The following NALCN variants were observed in gnomAD, a reference collection of about 807,000 sequenced individuals.
NALCN encodes the protein sodium leak channel NALCN.
In NALCN, 111 loss-of-function variants were observed where a neutral mutation model predicts 225.3. That is an observed-to-expected ratio of 0.49 (90% CI 0.42 to 0.58). The LOEUF (loss-of-function observed/expected upper bound fraction) is 0.58, where lower values mean the gene tolerates loss of function less well. NALCN is among the 20% of genes least tolerant of loss of function. The probability of loss-of-function intolerance (pLI) is 0.00; values close to 1 mark genes in which losing one functional copy is unlikely to be tolerated. For synonymous variants in NALCN, 764 were observed against 769.0 expected, an observed-to-expected ratio of 0.99 and a Z score of 0.11; for missense variants, 1,378 against 2,202.4, an observed-to-expected ratio of 0.63 and a Z score of 7.49.
At chr13:101,226,023 G>T (rs1019976799) in intron 13 of NALCN, among the ~76,000 whole-genome samples, 3 of 152,018 alleles carry the variant, frequency 2.0e-5, no homozygotes, top group Non-Finnish European at 4.4e-5. Flanking sequence ...TAGCCAGAAA[G>T]AATATACCAC....
chr13:101,210,120 T>C (rs1280401761), intron 13 of NALCN, among the ~76,000 whole-genome samples: 1 of 152,176 alleles, frequency 6.6e-6, no homozygotes, highest in African/African-American at 2.4e-5. Flanking sequence ...TTGCACAATT[T>C]AAGATTATAG....
chr13:101,062,173 C>T lies in NALCN; in HGVS notation c.4605-55G>A. 3 of 1,585,282 alleles carry T rather than the reference C, an allele frequency of 1.9e-6. No individual in the cohort carries two copies. The South Asian group carries it at 3.4e-5, about 18-fold the overall frequency. ...GCTCTGATTCACCTGAGATTTACAC[C>T]CTTAGATACGTCAAAATCCAGAGAG... On this transcript the variant is annotated intron_variant, in intron 40 of 43. Coordinates refer to ENST00000251127, the MANE Select transcript of NALCN (RefSeq NM_052867.4).
At chr13:101,340,551 C>A (rs529907107) in intron 7 of NALCN, among the ~76,000 whole-genome samples, 1 of 152,258 alleles carries the variant, frequency 6.6e-6, no homozygotes, top group Non-Finnish European at 1.5e-5. Context: ...CTCAGTTGCT[C>A]TTTACATTAA....
intron 3 of NALCN, among the ~76,000 whole-genome samples, chr13:101,394,793 A>C (rs895956862): frequency 1.3e-5 from 2 of 152,058 alleles, no homozygotes; most frequent in African/African-American, 2.4e-5. Flanking sequence ...ATCATGCTCT[A>C]ACTCTATCAT....
intron 39 of NALCN, among the ~76,000 whole-genome samples, chr13:101,067,322 A>C (rs1594131226): frequency 2.8e-5 from 1 of 36,026 alleles, no homozygotes; most frequent in Non-Finnish European, 4.7e-5. Flanking sequence ...AGGAGGGGGA[A>C]GAGGAGGGGG....
In NALCN at chr13:101,360,064, TC is replaced by T. The variant is rs1242321265; in HGVS notation, c.645-14645del. On this transcript the variant is annotated intron_variant, in intron 6 of 43. Transcript: ENST00000251127. Reference sequence around the variant, plus strand: ...CTCAGTTTTTCTTTTTCTCTTTCTTTCTTTTTCTTTCTTTCTTTCTCTTTCT... The same window carrying T: ...CTCAGTTTTTCTTTTTCTCTTTCTTTTTTTTCTTTCTTTCTTTCTCTTTCT... Among the ~76,000 whole-genome samples the T allele has an allele frequency of 7.6e-4, 109 of 142,642 alleles. No individual in the cohort carries two copies. The East Asian group carries it at 0.018, about 23-fold the overall frequency. 93.6% of individuals were successfully genotyped at this position (142,642 alleles called of 152,430 possible).
At chr13:101,174,028 C>A (rs1310567223) in intron 15 of NALCN, among the ~76,000 whole-genome samples, 4 of 151,998 alleles carry the variant, frequency 2.6e-5, no homozygotes, top group South Asian at 2.1e-4. Context: ...AAAAATGACA[C>A]CGTTGTTAAA....
chr13:101,292,437 CA>C lies in NALCN; in HGVS notation c.800-72del. On this transcript the variant is annotated intron_variant, in intron 7 of 43. Transcript: ENST00000251127. This position sits in a 1 kb window ranked among gnomAD's most constrained non-coding sequence, Gnocchi z 4.3. Reference sequence around the variant, plus strand: ...AATAAGAAAGCATTTTCCAGAAAAACAATCAATATTTATCCATACTTATTTT... The same window carrying C: ...AATAAGAAAGCATTTTCCAGAAAAACATCAATATTTATCCATACTTATTTT... The C allele has an allele frequency of 6.8e-7, 1 of 1,478,404 alleles. No individual in the cohort carries two copies. Among genetic ancestry groups the C allele is most frequent in the South Asian group, 1.3e-5 (1 of 77,076 alleles). The allele number at this position is 1,478,404 out of a possible 1,614,324, so 91.6% of individuals were successfully genotyped here. A position where few individuals can be genotyped will look rare whatever the true frequency, so the allele number is the denominator to read the frequency against.
At chr13:101,064,427 G>A (rs538854148) in intron 40 of NALCN, among the ~76,000 whole-genome samples, 3 of 152,254 alleles carry the variant, frequency 2.0e-5, no homozygotes, top group African/African-American at 7.2e-5. Context: ...ACCTCAGAAC[G>A]TAAGGTTATT....
At chr13:101,240,988 G>A (rs915637069) in intron 11 of NALCN, among the ~76,000 whole-genome samples, 1 of 152,062 alleles carries the variant, frequency 6.6e-6, no homozygotes, top group African/African-American at 2.4e-5. Flanking sequence ...TCAGGTTTTG[G>A]CTAAGATTAT....
chr13:101,202,412 CT>C (rs1483171530), intron 13 of NALCN, among the ~76,000 whole-genome samples: 1 of 152,084 alleles, frequency 6.6e-6, no homozygotes, highest in Non-Finnish European at 1.5e-5. Context: ...TAAATTGTAC[CT>C]AAATACACAT....
chr13:101,275,762 T>C (rs1220735867), intron 10 of NALCN, among the ~76,000 whole-genome samples: 2 of 152,072 alleles, frequency 1.3e-5, no homozygotes, highest in Non-Finnish European at 2.9e-5. Flanking sequence ...GCTTGGCTTA[T>C]CTATGTTCCT....
At chr13:101,271,968 ATATG>A (rs1346444263) in intron 10 of NALCN, among the ~76,000 whole-genome samples, 2 of 141,480 alleles carry the variant, frequency 1.4e-5, no homozygotes, top group Non-Finnish European at 3.1e-5. Flanking sequence ...GTGCGTGTAG[ATATG>A]TGTGTGTGCC....
chr13:101,099,247 G>A (rs994201229), intron 27 of NALCN, among the ~76,000 whole-genome samples: 3 of 151,952 alleles, frequency 2.0e-5, no homozygotes, highest in African/African-American at 4.8e-5. Context: ...CGGCATGACC[G>A]TCAGGCCACA....
rs143368259 is a variant in NALCN, at chr13:101,096,078, G to A, written c.3163-398C>T. 3.6e-3 allele frequency among the ~76,000 whole-genome samples: 551 copies of A among 152,200 alleles called. 5 individuals are homozygous for A. Among genetic ancestry groups the A allele is most frequent in the African/African-American group, 0.013 (521 of 41,528 alleles). On this transcript the variant is annotated intron_variant, in intron 27 of 43. Transcript: ENST00000251127. Reference sequence around the variant, plus strand: ...GATAACAACAAGCATTGGCGAGGATGTGGAGGAATCGCAATCCTCATACTG... The same window carrying A: ...GATAACAACAAGCATTGGCGAGGATATGGAGGAATCGCAATCCTCATACTG...
chr13:101,202,475 T>C (rs145597350), intron 13 of NALCN, among the ~76,000 whole-genome samples: 3 of 152,330 alleles, frequency 2.0e-5, no homozygotes, highest in African/African-American at 4.8e-5. Flanking sequence ...GTTAGAGCCA[T>C]TGACCATAGC....
At position 101,083,128 on chromosome 13, in the gene NALCN, T is replaced by TC; in HGVS notation, c.3653_3654insG (p.Leu1219ThrfsTer92). The TC allele has an allele frequency of 6.2e-7, 1 of 1,614,070 alleles. No individual in the cohort carries two copies. The highest frequency in any genetic ancestry group is 1.3e-5 in the African/African-American group (1 of 75,012). ...GCAACACCGACTGGGCCAGGACGAG[T>TC]AATGCGATTGTCCTCTTAAAAAATG... On this transcript the variant is annotated frameshift_variant, in exon 32 of 44. Coordinates refer to ENST00000251127, the MANE Select transcript of NALCN (RefSeq NM_052867.4). LOFTEE classifies it high-confidence loss of function.
intron 37 of NALCN, among the ~76,000 whole-genome samples, chr13:101,069,516 C>A (rs1215966455): frequency 3.3e-5 from 5 of 152,202 alleles, no homozygotes; most frequent in Non-Finnish European, 7.3e-5. Context: ...CAGCTGCTGA[C>A]TGAGCAGGGT....
In NALCN at chr13:101,376,827, G is replaced by T. The variant is rs1172845303; in HGVS notation, c.517C>A (p.Arg173=). 1.2e-6 allele frequency: 2 copies of T among 1,612,014 alleles called. No homozygotes were observed. The highest frequency in any genetic ancestry group is 1.7e-5 in the Admixed American group (1 of 59,424). ...ACACTCCATATTTGTTCTCCCGATCGCCTAGAGAAACAAAAGTAGGTAAAG... is the reference window on the plus strand; with the variant it reads ...ACACTCCATATTTGTTCTCCCGATCTCCTAGAGAAACAAAAGTAGGTAAAG... ...PRTRITNILK[R]SGEQIWSVSI... is the part of the protein sequence containing the mutation. Residue 173 remains arginine, a splice_region_variant and synonymous_variant, in exon 6 of 44, where the codon CGA becomes AGA. Transcript: ENST00000251127.
Sources: gnomAD v4.1 joint callset for allele counts (sites outside exome capture counted in the v4.1 genomes callset) on GRCh38, gnomAD v4.1.1 for gene constraint, Gnocchi (gnomAD v3.1) non-coding constraint, MANE v1.5 for transcripts, NCBI Gene and HGNC (gene_info 2026-07-23, HGNC 2026-07-21) for gene names.